Variants in SLC35F3 observed in about 807,000 individuals in gnomAD.
The protein encoded by SLC35F3 is solute carrier family 35 member F3, also known as putative thiamine transporter SLC35F3.
SLC35F3 carries 25 observed loss-of-function variants against 49.9 expected under a neutral mutation model. The ratio of observed to expected loss-of-function variants is 0.50; its 90% CI spans 0.37 to 0.70. SLC35F3 has a LOEUF of 0.70. Ranked by LOEUF, SLC35F3 falls within the 30% of genes least tolerant of loss-of-function variation. The probability of loss-of-function intolerance (pLI) is 0.00; values close to 1 mark genes in which losing one functional copy is unlikely to be tolerated. For synonymous variants in SLC35F3, 275 were observed against 265.4 expected (o/e 1.04, Z -0.35); for missense variants, 525 against 639.8 (o/e 0.82, Z 1.94).
chr1:233,934,140 A>G lies in SLC35F3; in HGVS notation c.283+28382A>G, dbSNP rs531564535. Among the ~76,000 whole-genome samples the G allele has an allele frequency of 3.9e-5, 6 of 152,346 alleles. No homozygotes were observed. The East Asian group carries it at 5.8e-4, about 15-fold the overall frequency. On this transcript the variant is annotated intron_variant, in intron 2 of 7. Transcript: ENST00000366618. ...TTATTCTTCAAAGTGAATTCAGAGT[A>G]TGTCTTTAGGTTCAGAAGTATTCAG...
chr1:234,172,290 G>A (rs1318073272), intron 2 of SLC35F3, among the ~76,000 whole-genome samples: 1 of 152,200 alleles, frequency 6.6e-6, no homozygotes, highest in Admixed American at 6.5e-5. Context: ...CTGGAGTGCA[G>A]TGGCACAATC....
intron 2 of SLC35F3, among the ~76,000 whole-genome samples, chr1:234,194,328 G>C (rs1259163083): frequency 6.6e-6 from 1 of 152,166 alleles, no homozygotes; most frequent in Non-Finnish European, 1.5e-5. Flanking sequence ...ATTATTCTAA[G>C]AGAAGTGACT....
chr1:233,981,350 A>G (rs753727493), intron 2 of SLC35F3, among the ~76,000 whole-genome samples: 2 of 152,134 alleles, frequency 1.3e-5, no homozygotes, highest in Admixed American at 1.3e-4. Context: ...ACAATCACTA[A>G]TCTCTTCCCC....
rs1312661027 is a variant in SLC35F3 at position 234,323,184 on chromosome 1, G to A, written c.1414G>A (p.Asp472Asn). ...GGAGGAGCCTGCAGAGGGCGCTGCCGACCTGAGCTCAGGACCTCAGAGCAA... is the reference window on the plus strand; with the variant it reads ...GGAGGAGCCTGCAGAGGGCGCTGCCAACCTGAGCTCAGGACCTCAGAGCAA... ...KKEEPAEGAA[D>N]LSSGPQSKNR... Residue 472 changes from aspartate to asparagine, a missense_variant, in exon 8 of 8, where the codon GAC becomes AAC. Transcript: ENST00000366618. The surrounding 1 kb of genome is among the most constrained non-coding windows in gnomAD (Gnocchi z 4.5). The A allele has an allele frequency of 6.2e-7, 1 of 1,614,132 alleles. No homozygotes were observed. Among genetic ancestry groups the A allele is most frequent in the South Asian group, 1.1e-5 (1 of 91,066 alleles).
At chr1:233,914,932 C>A (rs1359844051) in intron 2 of SLC35F3, among the ~76,000 whole-genome samples, 1 of 152,184 alleles carries the variant, frequency 6.6e-6, no homozygotes, top group East Asian at 1.9e-4. Context: ...AGCACTGAAA[C>A]AATTGCCTAG....
At position 234,027,768 on chromosome 1, in the gene SLC35F3, G is replaced by A. The variant is rs1663999821; in HGVS notation, c.283+122010G>A. Reference sequence around the variant, plus strand: ...TTTAGTAAAAATTCACTGGGAGCCTGCGCCAGTTTAGCACTGGGTATTTAG... The same window carrying A: ...TTTAGTAAAAATTCACTGGGAGCCTACGCCAGTTTAGCACTGGGTATTTAG... On this transcript the variant is annotated intron_variant, in intron 2 of 7. Coordinates refer to ENST00000366618, the MANE Select transcript of SLC35F3 (RefSeq NM_173508.4). The surrounding 1 kb of genome is among the most constrained non-coding windows in gnomAD (Gnocchi z 4.1). Among the ~76,000 whole-genome samples, 1 of 152,194 alleles carries A rather than the reference G, an allele frequency of 6.6e-6. No homozygotes were observed. Among genetic ancestry groups the A allele is most frequent in the Admixed American group, 6.5e-5 (1 of 15,278 alleles).
chr1:234,311,174 A>G (rs886750561), intron 4 of SLC35F3, among the ~76,000 whole-genome samples: 1 of 152,226 alleles, frequency 6.6e-6, no homozygotes, highest in Non-Finnish European at 1.5e-5. Context: ...ATGACCAGTC[A>G]TCTAAGAGCT....
chr1:234,071,934 A>G (rs1398780162), intron 2 of SLC35F3, among the ~76,000 whole-genome samples: 1 of 152,220 alleles, frequency 6.6e-6, no homozygotes, highest in Non-Finnish European at 1.5e-5. Context: ...CACAATTGGC[A>G]CCATTTACTG....
At chr1:233,953,827 A>G (rs1029368285) in intron 2 of SLC35F3, among the ~76,000 whole-genome samples, 3 of 152,232 alleles carry the variant, frequency 2.0e-5, no homozygotes, top group Non-Finnish European at 2.9e-5. Flanking sequence ...AGGCAGGAAC[A>G]GTACTGGAAG....
At chr1:234,251,477 A>C (rs1667737648) in intron 3 of SLC35F3, among the ~76,000 whole-genome samples, 1 of 150,554 alleles carries the variant, frequency 6.6e-6, no homozygotes. Context: ...AAAAAAAAAA[A>C]AAAACACACA....
intron 2 of SLC35F3, among the ~76,000 whole-genome samples, chr1:234,056,691 C>T (rs1375807836): frequency 6.6e-6 from 1 of 152,098 alleles, no homozygotes; most frequent in African/African-American, 2.4e-5. Flanking sequence ...TCTATTTTTT[C>T]TTTTGCTACT....
intron 2 of SLC35F3, among the ~76,000 whole-genome samples, chr1:234,001,113 T>G (rs187613651): frequency 1.0e-3 from 157 of 152,280 alleles, no homozygotes; most frequent in African/African-American, 3.6e-3. Flanking sequence ...AAGCTCTTTT[T>G]TTGTGTGAGG....
intron 2 of SLC35F3, among the ~76,000 whole-genome samples, chr1:233,987,500 GATT>G (rs1404286895): frequency 7.2e-6 from 1 of 139,108 alleles, no homozygotes. Context: ...AAGCTTTTTT[GATT>G]CCCCATCTTT....
At chr1:234,079,111 G>A (rs1664838493) in intron 2 of SLC35F3, among the ~76,000 whole-genome samples, 1 of 152,210 alleles carries the variant, frequency 6.6e-6, no homozygotes, top group African/African-American at 2.4e-5. Flanking sequence ...TGTGCTGCTG[G>A]TACAGGGATA....
chr1:234,224,666 T>C (rs1240423506), intron 2 of SLC35F3, among the ~76,000 whole-genome samples: 1 of 152,220 alleles, frequency 6.6e-6, no homozygotes, highest in Non-Finnish European at 1.5e-5. Flanking sequence ...ATGAGTACAT[T>C]CTGTATTCCC....
At chr1:233,939,370 A>G (rs1163133345) in intron 2 of SLC35F3, among the ~76,000 whole-genome samples, 1 of 152,158 alleles carries the variant, frequency 6.6e-6, no homozygotes, top group Non-Finnish European at 1.5e-5. Context: ...TGAGAGGATC[A>G]CTTGAGCCCA....
At chr1:234,128,316 A>T (rs1665679829) in intron 2 of SLC35F3, among the ~76,000 whole-genome samples, 3 of 152,160 alleles carry the variant, frequency 2.0e-5, no homozygotes, top group Admixed American at 2.0e-4. Flanking sequence ...TCTCTGCATC[A>T]CCTGGCGAAG....
chr1:234,187,433 G>A (rs1039703046), intron 2 of SLC35F3, among the ~76,000 whole-genome samples: 5 of 152,142 alleles, frequency 3.3e-5, no homozygotes, highest in Non-Finnish European at 5.9e-5. Context: ...GCTTTCACTC[G>A]GATGGATAGA....
At chr1:234,059,111 C>T (rs1181333308) in intron 2 of SLC35F3, among the ~76,000 whole-genome samples, 3 of 152,104 alleles carry the variant, frequency 2.0e-5, no homozygotes, top group Non-Finnish European at 4.4e-5. Context: ...GTATTGTTCT[C>T]TTCAAGTGAA....
Sources: gnomAD v4.1 joint callset for allele counts (sites outside exome capture counted in the v4.1 genomes callset) on GRCh38, gnomAD v4.1.1 for gene constraint, Gnocchi (gnomAD v3.1) non-coding constraint, MANE v1.5 for transcripts, NCBI Gene and HGNC (gene_info 2026-07-23, HGNC 2026-07-21) for gene names.